Variants in RNF19B observed in about 807,000 individuals in gnomAD.
RNF19B encodes E3 ubiquitin-protein ligase RNF19B.
A neutral mutation model predicts 65.5 loss-of-function variants in RNF19B; 23 were observed. The ratio of observed to expected loss-of-function variants is 0.35; its 90% CI spans 0.25 to 0.50. The LOEUF is 0.50. Ranked by LOEUF, RNF19B falls within the 20% of genes least tolerant of loss-of-function variation. The pLI is 0.98. For missense variants in RNF19B, 794 were observed against 980.0 expected, an observed-to-expected ratio of 0.81 and a Z score of 2.53; for synonymous variants, 372 against 379.6, an observed-to-expected ratio of 0.98 and a Z score of 0.23.
intron 1 of RNF19B, among the ~76,000 whole-genome samples, chr1:32,963,535 G>T (rs974381165): frequency 6.6e-6 from 1 of 151,988 alleles, no homozygotes; most frequent in South Asian, 2.1e-4. Context: ...AGCCAACATG[G>T]TGAAACCCCA....
At chr1:32,945,749 C>G in intron 4 of RNF19B, 121 bp from the exon 5 acceptor site, 1 of 536,384 alleles carries the variant, frequency 1.9e-6, no homozygotes. Flanking sequence ...TCCTCTACCC[C>G]AAATAGGCAT....
At position 32,949,281 on chromosome 1, in the gene RNF19B, C is replaced by G. The variant is rs193030040; in HGVS notation, c.841+288G>C. Among the ~76,000 whole-genome samples, 223 of 152,212 alleles carry G rather than the reference C, an allele frequency of 1.5e-3. 1 individual carries two copies. The highest frequency in any genetic ancestry group is 5.2e-3 in the African/African-American group (214 of 41,550). On this transcript the variant is annotated intron_variant, in intron 2 of 8. Coordinates refer to ENST00000235150, the MANE Select transcript of RNF19B (RefSeq NM_001300826.2). ...ATGAAAGTTTTGAAAAAGCCCCTAG[C>G]AAAACAAAATGAACTAATTGCTCTC...
chr1:32,951,958 C>CTTT (rs34442939), intron 1 of RNF19B, among the ~76,000 whole-genome samples: 10 of 123,164 alleles, frequency 8.1e-5, no homozygotes, highest in East Asian at 2.4e-4. Flanking sequence ...CCACGCCCGG[C>CTTT]TTTTTTTTTT....
At chr1:32,940,113 C>T (rs761803566) in intron 7 of RNF19B, among the ~76,000 whole-genome samples, 2 of 152,192 alleles carry the variant, frequency 1.3e-5, no homozygotes, top group Non-Finnish European at 2.9e-5. Flanking sequence ...TGAGGGAATG[C>T]AATGGAAAGT....
At chr1:32,946,163 T>C (rs1362017233) in intron 4 of RNF19B, among the ~76,000 whole-genome samples, 1 of 152,200 alleles carries the variant, frequency 6.6e-6, no homozygotes, top group African/African-American at 2.4e-5. Flanking sequence ...TGAACCATCA[T>C]GCCTGGCCCA....
chr1:32,951,054 G>A (rs573115002), intron 1 of RNF19B, among the ~76,000 whole-genome samples: 1 of 151,562 alleles, frequency 6.6e-6, no homozygotes, highest in African/African-American at 2.4e-5. Flanking sequence ...GGCCAGGATG[G>A]TCTCGATCTC....
At chr1:32,929,131 G>A in the RNF19B span, among the ~76,000 whole-genome samples, 2 of 152,138 alleles carry the variant, frequency 1.3e-5, no homozygotes, top group Admixed American at 1.3e-4. Flanking sequence ...TGTGGGGGAG[G>A]ATCTGTTCCT....
chr1:32,934,998 A>AT (rs1348795799), downstream of RNF19B, among the ~76,000 whole-genome samples: 2 of 150,978 alleles, frequency 1.3e-5, no homozygotes, highest in Non-Finnish European at 3.0e-5. Flanking sequence ...CGCCCAGCTA[A>AT]TTTTTGTATT....
intron 7 of RNF19B, among the ~76,000 whole-genome samples, chr1:32,939,556 C>T (rs144490709): frequency 6.6e-6 from 1 of 152,298 alleles, no homozygotes; most frequent in Non-Finnish European, 1.5e-5. Flanking sequence ...CTTTACCTTC[C>T]CTGCCTTGCA....
intron 1 of RNF19B, among the ~76,000 whole-genome samples, chr1:32,953,331 C>G (rs1175084613): frequency 6.6e-6 from 1 of 152,026 alleles, no homozygotes; most frequent in Non-Finnish European, 1.5e-5. Context: ...GCCATCTGCA[C>G]TCTGTCCTCT....
At position 32,937,080 on chromosome 1, in the gene RNF19B, C is replaced by T; in HGVS notation, c.1922G>A (p.Cys641Tyr). The T allele has an allele frequency of 6.2e-7, 1 of 1,614,224 alleles. No homozygotes were observed. The highest frequency in any genetic ancestry group is 8.5e-7 in the Non-Finnish European group (1 of 1,180,048). Residue 641 changes from cysteine (C) to tyrosine (Y), a missense_variant, in exon 9 of 9, where the codon TGT (cysteine) becomes TAT (tyrosine). Cys to Tyr is a radical substitution (Grantham distance 194, BLOSUM62 -2). Transcript: ENST00000235150. Reference sequence around the variant, plus strand: ...GCTGGCCAGGCAGTCTTTCTGTTCACAGCTTTGGTGTCTGCAGGGGGGATC... The same window carrying T: ...GCTGGCCAGGCAGTCTTTCTGTTCATAGCTTTGGTGTCTGCAGGGGGGATC... ...EEDPPCRHQS[C>Y]EQKDCLASKP...
In RNF19B at chr1:32,936,943, G is replaced by T. The variant is rs371692185; in HGVS notation, c.2059C>A (p.Pro687Thr). ...GGGCAGGCTGCAGTATGGGAGCGGG[G>T]GGAGCCACACTCATCTGAGGTGATG... Reference protein sequence around the residue: ...PDITSDECGSPRSHTAACPST... With the variant: ...PDITSDECGSTRSHTAACPST... The change falls in exon 9 of 9, where the codon CCC becomes ACC. Residue 687 changes from proline to threonine, a missense_variant. This residue lies in a region of RNF19B where 368 missense variants were observed against 447.3 expected (regional missense o/e 0.82). Transcript: ENST00000235150. 3 of 1,613,948 alleles carry T rather than the reference G, an allele frequency of 1.9e-6. No homozygotes were observed. In the African/African-American group the frequency reaches 4.0e-5, roughly 22 times the overall value.
At chr1:32,948,736 G>A (rs1245701014) in intron 2 of RNF19B, among the ~76,000 whole-genome samples, 1 of 152,128 alleles carries the variant, frequency 6.6e-6, no homozygotes, top group Non-Finnish European at 1.5e-5. Flanking sequence ...CCTGCAGCCT[G>A]GAATTAGCTT....
chr1:32,962,171 G>T (rs949676931), intron 1 of RNF19B, among the ~76,000 whole-genome samples: 5 of 152,094 alleles, frequency 3.3e-5, no homozygotes, highest in African/African-American at 1.2e-4. Flanking sequence ...ATACCACTAT[G>T]TTGGCCAGGC....
At chr1:32,945,958 G>A (rs1367592284) in intron 4 of RNF19B, among the ~76,000 whole-genome samples, 1 of 151,782 alleles carries the variant, frequency 6.6e-6, no homozygotes, top group Non-Finnish European at 1.5e-5. Context: ...TACGTCCCTG[G>A]GCTCAAGCAA....
chr1:32,931,219 A>C, the RNF19B span, among the ~76,000 whole-genome samples: 2 of 152,194 alleles, frequency 1.3e-5, no homozygotes, highest in Non-Finnish European at 2.9e-5. Flanking sequence ...ACATCTTTGG[A>C]ATATACTCTA....
chr1:32,938,497 T>C lies in RNF19B; in HGVS notation c.1642A>G (p.Ile548Val), dbSNP rs776089455. 1.2e-6 allele frequency: 2 copies of C among 1,613,982 alleles called. No homozygotes were observed. The highest frequency in any genetic ancestry group is 1.7e-6 in the Non-Finnish European group (2 of 1,180,038). Residue 548 changes from isoleucine (I) to valine (V), a missense_variant, in exon 8 of 9, where the codon ATT (isoleucine) becomes GTT (valine). Physicochemically the swap from Ile to Val is conservative, Grantham distance 29 (BLOSUM62 3). Coordinates refer to ENST00000235150, the MANE Select transcript of RNF19B (RefSeq NM_001300826.2). ...AGACTGGCTGTGTCTTTGGGGAAAATTTCCTTTTGGACATCGGCTTGAACT... is the reference window on the plus strand; with the variant it reads ...AGACTGGCTGTGTCTTTGGGGAAAACTTCCTTTTGGACATCGGCTTGAACT... The part of the protein sequence containing the change: ...LEVQADVQKE[I>V]FPKDTASLGA...
chr1:32,935,375 G>A (rs1200176375), downstream of RNF19B, among the ~76,000 whole-genome samples: 5 of 151,926 alleles, frequency 3.3e-5, no homozygotes, highest in African/African-American at 1.2e-4. Flanking sequence ...CTGACCTCAG[G>A]TGATCCACCT....
chr1:32,945,585 C>T lies in RNF19B; in HGVS notation c.1190G>A (p.Arg397Lys), dbSNP rs745419943. 5 of 1,613,866 alleles carry T rather than the reference C, an allele frequency of 3.1e-6. 1 individual carries two copies. The South Asian group carries it at 4.4e-5, about 14-fold the overall frequency. ...CACTCCTCCAGTGATAGCCAAATTC[C>T]TCTTGTGTTTGGAGGTTTTCCTTCC... ...YEGRKTSKHK[R>K]NLAITGGVTL... The change falls in exon 5 of 9, where the codon AGG becomes AAG. Residue 397 changes from arginine to lysine, a missense_variant. Transcript: ENST00000235150.
Sources: allele counts gnomAD v4.1 joint callset (sites outside exome capture counted in the v4.1 genomes callset), GRCh38; gene constraint gnomAD v4.1.1; regional missense constraint gnomAD v4.1.1; transcripts MANE v1.5; gene names NCBI Gene and HGNC (gene_info 2026-07-23, HGNC 2026-07-21).